MTA3: variants seen among roughly 807,000 people sequenced by gnomAD.
MTA3 encodes metastasis associated 1 family member 3.
In MTA3, 34 loss-of-function variants were observed where a neutral mutation model predicts 83.5. The ratio of observed to expected loss-of-function variants is 0.41; its 90% CI spans 0.31 to 0.54. The LOEUF (loss-of-function observed/expected upper bound fraction) is 0.54, where lower values mean the gene tolerates loss of function less well. MTA3 is among the 20% of genes least tolerant of loss of function. MTA3 has a pLI of 0.33. For synonymous variants in MTA3, 303 were observed against 252.7 expected, an observed-to-expected ratio of 1.20 and a Z score of -1.89; for missense variants, 761 against 726.4, an observed-to-expected ratio of 1.05 and a Z score of -0.55.
intron 8 of MTA3, 83 bp downstream of exon 8, chr2:42,659,945 C>A: frequency 9.2e-7 from 1 of 1,082,506 alleles, no homozygotes; most frequent in Non-Finnish European, 1.3e-6. Context: ...ATACTGTAGA[C>A]CGGGAGCTTT....
At chr2:42,620,158 G>A (rs933024687) in intron 4 of MTA3, among the ~76,000 whole-genome samples, 7 of 138,186 alleles carry the variant, frequency 5.1e-5, no homozygotes, top group East Asian at 2.1e-4. Flanking sequence ...TTGCTCTGTC[G>A]CCCAGGCTGG....
intron 6 of MTA3, among the ~76,000 whole-genome samples, chr2:42,649,432 A>G (rs1321532776): frequency 6.6e-6 from 1 of 151,958 alleles, no homozygotes; most frequent in Non-Finnish European, 1.5e-5. Context: ...AAAAGCTGTT[A>G]TCACCAGTCA....
chr2:42,502,946 G>A (rs1408137128), intron 2 of MTA3, among the ~76,000 whole-genome samples: 1 of 151,320 alleles, frequency 6.6e-6, no homozygotes, highest in Non-Finnish European at 1.5e-5. Context: ...TGGGAGACAG[G>A]GCAAGACTCT....
intron 2 of MTA3, among the ~76,000 whole-genome samples, chr2:42,522,795 C>T (rs533831122): frequency 6.8e-5 from 10 of 146,388 alleles, no homozygotes; most frequent in Admixed American, 4.1e-4. Context: ...GAAGGGAGAT[C>T]AACATGTGGT....
At chr2:42,549,643 T>TATATAATATATTATATACACATATA (rs1677018010) in intron 2 of MTA3, among the ~76,000 whole-genome samples, 1 of 116,130 alleles carries the variant, frequency 8.6e-6, no homozygotes, top group African/African-American at 3.4e-5. Context: ...ACATATATAA[T>TATATAATATATTATATACACATATA]ATATAATATA....
intron 9 of MTA3, among the ~76,000 whole-genome samples, chr2:42,694,745 T>C (rs568178725): frequency 6.6e-6 from 1 of 152,340 alleles, no homozygotes; most frequent in East Asian, 1.9e-4. Flanking sequence ...AGCTGCCATC[T>C]TTGGAAGCTG....
intron 4 of MTA3, among the ~76,000 whole-genome samples, chr2:42,621,106 T>A (rs72975082): frequency 6.7e-6 from 1 of 149,540 alleles, no homozygotes; most frequent in Non-Finnish European, 1.5e-5. Flanking sequence ...TTTGCAAAAA[T>A]GTGAAACAAT....
At chr2:42,549,790 G>T (rs957049918) in intron 2 of MTA3, among the ~76,000 whole-genome samples, 1 of 146,726 alleles carries the variant, frequency 6.8e-6, no homozygotes, top group African/African-American at 2.5e-5. Flanking sequence ...ATTGTGTGTA[G>T]CTCTGAGTAA....
At chr2:42,712,930 G>A (rs1395506166) in intron 14 of MTA3, 1 of 152,022 alleles carries the variant, frequency 6.6e-6, no homozygotes, top group African/African-American at 2.4e-5. Context: ...ATGGGAGAAT[G>A]ACGTTCCTCT....
intron 16 of MTA3, among the ~76,000 whole-genome samples, chr2:42,748,953 G>C (rs1479278185): frequency 6.6e-6 from 1 of 152,178 alleles, no homozygotes; most frequent in Non-Finnish European, 1.5e-5. Flanking sequence ...GATTTCAATG[G>C]AAAGACCAAG....
At chr2:42,546,905 G>A (rs1384180704) in intron 2 of MTA3, among the ~76,000 whole-genome samples, 2 of 152,186 alleles carry the variant, frequency 1.3e-5, no homozygotes, top group Non-Finnish European at 2.9e-5. Context: ...ATACAATGTG[G>A]CAGAATGAGA....
intron 1 of MTA3, among the ~76,000 whole-genome samples, chr2:42,570,200 A>G (rs769069486): frequency 6.6e-6 from 1 of 152,188 alleles, no homozygotes; most frequent in Non-Finnish European, 1.5e-5. Context: ...ATTGGGACAG[A>G]AGTCTAGGAG....
chr2:42,538,926 C>T (rs1414645131), intron 2 of MTA3, among the ~76,000 whole-genome samples: 6 of 149,222 alleles, frequency 4.0e-5, no homozygotes, highest in Non-Finnish European at 3.0e-5. Flanking sequence ...AGGCGCCCGC[C>T]ACCGTGCCCG....
At chr2:42,543,894 TTGCCTAGGCTTGTCTCAA>T (rs546101427) in intron 2 of MTA3, among the ~76,000 whole-genome samples, 2 of 152,182 alleles carry the variant, frequency 1.3e-5, no homozygotes, top group South Asian at 4.1e-4. Flanking sequence ...TCTCACTATA[TTGCCTAGGCTTGTCTCAA>T]ACTCTTGGGC....
chr2:42,569,290 C>G (rs886476251), intron 1 of MTA3: 3 of 152,548 alleles, frequency 2.0e-5, no homozygotes, highest in African/African-American at 7.2e-5. Context: ...CCTCGGCCCC[C>G]CTCCTTTTCG....
intron 2 of MTA3, among the ~76,000 whole-genome samples, chr2:42,558,473 C>T (rs1325875911): frequency 6.6e-6 from 1 of 151,938 alleles, no homozygotes; most frequent in East Asian, 1.9e-4. Flanking sequence ...TGGTCTTGAA[C>T]TCCCGACCTC....
chr2:42,514,908 A>T (rs1057118688), intron 2 of MTA3, among the ~76,000 whole-genome samples: 5 of 150,730 alleles, frequency 3.3e-5, no homozygotes, highest in Admixed American at 6.6e-5. Context: ...CCAGGCTTGT[A>T]TCAAACTCCT....
rs1462974915 is a variant in MTA3 at position 42,496,611 on chromosome 2, A to G, written c.-141+1357A>G. 3.9e-4 allele frequency among the ~76,000 whole-genome samples: 26 copies of G among 65,986 alleles called. 1 individual carries two copies. The highest frequency in any genetic ancestry group is 3.3e-3 in the East Asian group (8 of 2,408). 43.3% of individuals were successfully genotyped at this position (65,986 alleles called of 152,430 possible). A position where few individuals can be genotyped will look rare whatever the true frequency, so the allele number is the denominator to read the frequency against. On this transcript the variant is annotated intron_variant, in intron 2 of 17. Transcript: ENST00000405592. ...GTTTTCTAGTTTCAGAACCTAGGAA[A>G]AAAAAAAAAAAAAAAAAGCAAATTA...
chr2:42,561,237 C>T (rs997657956), intron 2 of MTA3, among the ~76,000 whole-genome samples: 2 of 152,114 alleles, frequency 1.3e-5, no homozygotes, highest in African/African-American at 4.8e-5. Context: ...CTTCCCTTAC[C>T]ACCATCATCA....
Sources: allele counts gnomAD v4.1 joint callset (sites outside exome capture counted in the v4.1 genomes callset), GRCh38; gene constraint gnomAD v4.1.1; transcripts MANE v1.5; gene names NCBI Gene and HGNC (gene_info 2026-07-23, HGNC 2026-07-21).